COL25A1: variants seen among roughly 807,000 people sequenced by gnomAD.
COL25A1 encodes collagen type XXV alpha 1 chain, also known as collagen alpha-1(XXV) chain.
In COL25A1, 103 loss-of-function variants were observed where a neutral mutation model predicts 128.4. The observed-to-expected ratio is 0.80, with a 90% CI of 0.68 to 0.94. The LOEUF (loss-of-function observed/expected upper bound fraction) is 0.94. Ranked by LOEUF, COL25A1 falls within the 40% of genes least tolerant of loss-of-function variation. COL25A1 has a pLI of 0.00. For missense variants in COL25A1, 745 were observed against 840.0 expected, an observed-to-expected ratio of 0.89 and a Z score of 1.40; for synonymous variants, 279 against 277.2, an observed-to-expected ratio of 1.01 and a Z score of -0.06.
intron 18 of COL25A1, among the ~76,000 whole-genome samples, chr4:108,888,467 A>T (rs1399862544): frequency 6.6e-6 from 1 of 152,222 alleles, no homozygotes; most frequent in Non-Finnish European, 1.5e-5. Context: ...TCTGTGGTCT[A>T]AAATCTGACT....
chr4:109,002,917 C>A (rs1322214817), intron 6 of COL25A1, among the ~76,000 whole-genome samples: 1 of 152,070 alleles, frequency 6.6e-6, no homozygotes, highest in African/African-American at 2.4e-5. Flanking sequence ...TGTCCTAATG[C>A]TCTCCCTCTC....
At position 108,998,043 on chromosome 4, in the gene COL25A1, C is replaced by A. The variant is rs1460150880; in HGVS notation, c.438+12315G>T. ...ATACTGAATGGGCAAAAACTGGAAGCATTCCCTTTGAAAACTGGCACAAGA... is the reference window on the plus strand; with the variant it reads ...ATACTGAATGGGCAAAAACTGGAAGAATTCCCTTTGAAAACTGGCACAAGA... On this transcript the variant is annotated intron_variant, in intron 6 of 37. Coordinates refer to ENST00000399132, the MANE Select transcript of COL25A1 (RefSeq NM_198721.4). 2.0e-5 allele frequency among the ~76,000 whole-genome samples: 3 copies of A among 152,140 alleles called. No individual in the cohort carries two copies. The East Asian group carries it at 5.8e-4, about 29-fold the overall frequency.
At chr4:109,244,063 C>T (rs527675637) in intron 3 of COL25A1, among the ~76,000 whole-genome samples, 3 of 151,890 alleles carry the variant, frequency 2.0e-5, no homozygotes, top group African/African-American at 7.2e-5. Context: ...TAAACCCCTA[C>T]TTTTGTTGAT....
chr4:109,030,522 G>C (rs923423099), intron 5 of COL25A1, among the ~76,000 whole-genome samples: 1 of 152,178 alleles, frequency 6.6e-6, no homozygotes, highest in Non-Finnish European at 1.5e-5. Context: ...GAAGACAAAA[G>C]AGAATTATAT....
intron 32 of COL25A1, among the ~76,000 whole-genome samples, chr4:108,829,423 CT>C (rs202045473): frequency 1.3e-5 from 2 of 150,278 alleles, no homozygotes; most frequent in African/African-American, 2.5e-5. Context: ...ATCTATCTAT[CT>C]ATCTATCTAT....
chr4:109,204,754 T>C (rs1229336800), intron 3 of COL25A1, among the ~76,000 whole-genome samples: 1 of 152,146 alleles, frequency 6.6e-6, no homozygotes, highest in Non-Finnish European at 1.5e-5. Context: ...AAGAAATTTA[T>C]TGTTAAAGGT....
intron 9 of COL25A1, 120 bp from the exon 10 acceptor site, chr4:108,940,766 C>A (rs1747994781): frequency 3.1e-6 from 2 of 651,250 alleles, no homozygotes; most frequent in Non-Finnish European, 5.0e-6. Flanking sequence ...AGAACCAGAA[C>A]AACCACAAAT....
intron 6 of COL25A1, 41 bp downstream of exon 6, chr4:109,010,317 T>C: frequency 1.3e-6 from 2 of 1,520,386 alleles, no homozygotes; most frequent in Non-Finnish European, 1.8e-6. Context: ...ACTGGGAAAA[T>C]CCTAAATTGA....
intron 5 of COL25A1, among the ~76,000 whole-genome samples, chr4:109,031,777 C>A (rs187319944): frequency 6.6e-6 from 1 of 152,294 alleles, no homozygotes; most frequent in Admixed American, 6.5e-5. Context: ...AAGCTCCTGA[C>A]TCCTAGCACA....
chr4:109,280,305 T>A (rs985992166), intron 3 of COL25A1, among the ~76,000 whole-genome samples: 16 of 152,216 alleles, frequency 1.1e-4, no homozygotes, highest in Non-Finnish European at 2.2e-4. Context: ...TATTCAGATA[T>A]TAAAGCAGCA....
At chr4:109,101,567 C>T (rs1170551506) in intron 3 of COL25A1, among the ~76,000 whole-genome samples, 1 of 152,196 alleles carries the variant, frequency 6.6e-6, no homozygotes, top group East Asian at 1.9e-4. Flanking sequence ...TCCTCAGTAT[C>T]ACTACTCTGT....
chr4:109,005,024 G>A (rs1454438613), intron 6 of COL25A1, among the ~76,000 whole-genome samples: 1 of 152,074 alleles, frequency 6.6e-6, no homozygotes, highest in African/African-American at 2.4e-5. Flanking sequence ...GTCCATTCTT[G>A]CACTGCTGTA....
intron 8 of COL25A1, among the ~76,000 whole-genome samples, chr4:108,972,077 T>C (rs1475850065): frequency 6.6e-6 from 1 of 152,196 alleles, no homozygotes; most frequent in Non-Finnish European, 1.5e-5. Flanking sequence ...GTCAAAGAGT[T>C]AAAACTTCCA....
chr4:109,032,215 G>A (rs1449342065), intron 5 of COL25A1, among the ~76,000 whole-genome samples: 1 of 152,076 alleles, frequency 6.6e-6, no homozygotes, highest in Non-Finnish European at 1.5e-5. Context: ...ATTTGCGTCT[G>A]CCAGATTCCT....
At chr4:109,250,369 T>TACACACACACACACACACACAC (rs61574026) in intron 3 of COL25A1, among the ~76,000 whole-genome samples, 4,238 of 134,786 alleles carry the variant, frequency 0.031, 118 homozygotes, top group African/African-American at 0.055. Context: ...AAGTAGGAGA[T>TACACACACACACACACACACAC]ACACACACAC....
intron 13 of COL25A1, among the ~76,000 whole-genome samples, chr4:108,917,609 T>C (rs1198020340): frequency 2.0e-5 from 3 of 152,234 alleles, no homozygotes; most frequent in East Asian, 3.8e-4. Context: ...TATGTGTATG[T>C]AGACTGTGTT....
At chr4:109,264,580 G>A (rs1781668788) in intron 3 of COL25A1, among the ~76,000 whole-genome samples, 1 of 152,214 alleles carries the variant, frequency 6.6e-6, no homozygotes, top group African/African-American at 2.4e-5. Context: ...GTCAAGAATA[G>A]TTCTCAAGTG....
chr4:108,956,243 C>T (rs10032441), intron 8 of COL25A1, among the ~76,000 whole-genome samples: 6,632 of 151,982 alleles, frequency 0.044, 368 homozygotes, highest in African/African-American at 0.13. Context: ...AGTGGTATGC[C>T]GAGGTTTCTT....
intron 3 of COL25A1, among the ~76,000 whole-genome samples, chr4:109,264,252 G>A (rs1376671855): frequency 6.6e-6 from 1 of 152,096 alleles, no homozygotes; most frequent in Non-Finnish European, 1.5e-5. Context: ...GAGAGGGAAG[G>A]GTGAGAGACT....
Sources: gnomAD v4.1 joint callset for allele counts (sites outside exome capture counted in the v4.1 genomes callset) on GRCh38, gnomAD v4.1.1 for gene constraint, MANE v1.5 for transcripts, NCBI Gene and HGNC (gene_info 2026-07-23, HGNC 2026-07-21) for gene names.